Variants in TMEM41B observed in about 807,000 individuals in gnomAD.
TMEM41B encodes the protein protein stasimon.
TMEM41B carries 18 observed loss-of-function variants against 31.9 expected under a neutral mutation model. That is an observed-to-expected ratio of 0.56 (90% CI 0.39 to 0.84). The LOEUF (loss-of-function observed/expected upper bound fraction) is 0.84. Ranked by LOEUF, TMEM41B falls within the 40% of genes least tolerant of loss-of-function variation. The pLI is 0.00. For missense variants in TMEM41B, 322 were observed against 348.0 expected, an observed-to-expected ratio of 0.93 and a Z score of 0.59; for synonymous variants, 144 against 124.3, an observed-to-expected ratio of 1.16 and a Z score of -1.05.
At chr11:9,303,957 C>T (rs1338207315) in intron 1 of TMEM41B, among the ~76,000 whole-genome samples, 3 of 152,156 alleles carry the variant, frequency 2.0e-5, no homozygotes, top group African/African-American at 4.8e-5. Context: ...CGTGAGCCAC[C>T]ACGCCCGGCC....
intron 1 of TMEM41B, among the ~76,000 whole-genome samples, chr11:9,301,834 G>A (rs934961531): frequency 1.3e-5 from 2 of 152,112 alleles, no homozygotes. Context: ...AAAGTGGTAC[G>A]CCGAAGACAT....
intron 3 of TMEM41B, 71 bp from the exon 4 acceptor site, chr11:9,288,606 GA>G (rs144571752): frequency 1.8e-6 from 2 of 1,129,338 alleles, no homozygotes; most frequent in Non-Finnish European, 2.5e-6. Context: ...AACATTTCAG[GA>G]AAAAAGTATA....
In TMEM41B at chr11:9,294,237, G is replaced by A. The variant is rs991248577; in HGVS notation, c.368+1022C>T. ...AAGCCGGGCACAGTGGCTCTCACCTGTAATCCCAGCACTTTGGGAGGCTGA... is the reference window on the plus strand; with the variant it reads ...AAGCCGGGCACAGTGGCTCTCACCTATAATCCCAGCACTTTGGGAGGCTGA... On this transcript the variant is annotated intron_variant, in intron 3 of 6. Transcript: ENST00000528080. Among the ~76,000 whole-genome samples the A allele has an allele frequency of 7.0e-5, 10 of 143,184 alleles. No individual in the cohort carries two copies. In the Admixed American group the frequency reaches 7.1e-4, roughly 10 times the overall value. 93.9% of individuals were successfully genotyped at this position (143,184 alleles called of 152,430 possible). A position where few individuals can be genotyped will look rare whatever the true frequency, so the allele number is the denominator to read the frequency against.
Position 9,283,369 on chromosome 11 carries a change from A to C in TMEM41B, c.*55T>G. 1 of 1,368,934 alleles carries C rather than the reference A, an allele frequency of 7.3e-7. No individual in the cohort carries two copies. Among genetic ancestry groups the C allele is most frequent in the South Asian group, 1.3e-5 (1 of 74,906 alleles). 84.8% of individuals were successfully genotyped at this position (1,368,934 alleles called of 1,614,324 possible). On this transcript the variant is annotated 3_prime_UTR_variant, in exon 7 of 7. Coordinates refer to ENST00000528080, the MANE Select transcript of TMEM41B (RefSeq NM_015012.4). ...GTGATTTTAAAACATAAATGGATGC[A>C]CCTGTTAATCCTGAGATGGTGATGA...
At position 9,288,882 on chromosome 11, in the gene TMEM41B, A is replaced by G. The variant is rs77441159; in HGVS notation, c.369-347T>C. 3.7e-3 allele frequency among the ~76,000 whole-genome samples: 570 copies of G among 152,338 alleles called. 2 individuals are homozygous for G. The highest frequency in any genetic ancestry group is 0.013 in the African/African-American group (543 of 41,582). ...GTTTTCAGGGAAATCATGTACATAC[A>G]ATTATTTCTAATTTAACTATGAAGG... On this transcript the variant is annotated intron_variant, in intron 3 of 6. Transcript: ENST00000528080.
intron 1 of TMEM41B, chr11:9,311,812 G>A (rs540863508): frequency 1.8e-4 from 100 of 543,794 alleles, no homozygotes; most frequent in South Asian, 6.6e-4. Context: ...TAGACTTTCC[G>A]TGTTACCTCT....
At chr11:9,296,104 G>C (rs930251137) in intron 2 of TMEM41B, among the ~76,000 whole-genome samples, 1 of 151,596 alleles carries the variant, frequency 6.6e-6, no homozygotes, top group African/African-American at 2.4e-5. Context: ...TGATCCACCC[G>C]CCTTGGCCTC....
chr11:9,292,361 G>C (rs1191382557), intron 3 of TMEM41B, among the ~76,000 whole-genome samples: 1 of 152,026 alleles, frequency 6.6e-6, no homozygotes, highest in African/African-American at 2.4e-5. Context: ...AAAAATCTTG[G>C]TTCTTGATAA....
intron 1 of TMEM41B, among the ~76,000 whole-genome samples, chr11:9,313,517 T>TA (rs1853613304): frequency 6.6e-6 from 1 of 152,116 alleles, no homozygotes; most frequent in Admixed American, 6.6e-5. Flanking sequence ...GTTTTTTCCT[T>TA]AAAACAATAT....
rs192899301 is a variant in TMEM41B at position 9,285,947 on chromosome 11, T to C, written c.706+508A>G. Among the ~76,000 whole-genome samples the C allele has an allele frequency of 2.9e-3, 438 of 152,254 alleles. 1 individual carries two copies. Among genetic ancestry groups the C allele is most frequent in the Non-Finnish European group, 4.9e-3 (334 of 68,016 alleles). On this transcript the variant is annotated intron_variant, in intron 6 of 6. Transcript: ENST00000528080. ...CTGGCCAACATGGTGAAACCCCATT[T>C]CTACTAATAATACAAAAATTAGCCA...
intron 6 of TMEM41B, among the ~76,000 whole-genome samples, chr11:9,286,240 G>C (rs1317829932): frequency 6.6e-6 from 1 of 152,168 alleles, no homozygotes; most frequent in Non-Finnish European, 1.5e-5. Context: ...ACAGTAGAAA[G>C]TGTTCTTCTT....
At chr11:9,294,436 AG>A (rs1340409112) in intron 3 of TMEM41B, among the ~76,000 whole-genome samples, 2 of 151,566 alleles carry the variant, frequency 1.3e-5, no homozygotes, top group Non-Finnish European at 2.9e-5. Context: ...TGGAGGTTGC[AG>A]TGACCAGAGA....
chr11:9,297,937 T>TGC (rs1289342639), intron 2 of TMEM41B, among the ~76,000 whole-genome samples: 7 of 150,922 alleles, frequency 4.6e-5, no homozygotes, highest in African/African-American at 1.5e-4. Flanking sequence ...TAGTGGTGCA[T>TGC]GCCTGTACTC....
intron 1 of TMEM41B, 141 bp from the exon 2 acceptor site, chr11:9,299,842 G>T (rs531819513): frequency 5.9e-6 from 4 of 673,310 alleles, no homozygotes; most frequent in Non-Finnish European, 1.0e-5. Context: ...GCACTGGGCC[G>T]GGCACAGTGA....
At chr11:9,309,222 G>T (rs868684355) in intron 1 of TMEM41B, among the ~76,000 whole-genome samples, 35 of 150,044 alleles carry the variant, frequency 2.3e-4, no homozygotes, top group African/African-American at 8.3e-4. Context: ...CTCCAGCCTG[G>T]GCAAAAAGAG....
In TMEM41B at chr11:9,312,926, A is replaced by G. The variant is rs1853597145; in HGVS notation, c.121+1395T>C. On this transcript the variant is annotated intron_variant, in intron 1 of 6. Transcript: ENST00000528080. The stretch of plus-strand genomic sequence containing the variant: ...CTCAAAAAAAAAAAAAAAAAAAAGA[A>G]TAATTGTGTTGAATGTTTTGTTGTA... Among the ~76,000 whole-genome samples, 3 of 145,648 alleles carry G rather than the reference A, an allele frequency of 2.1e-5. No homozygotes were observed. In the South Asian group the frequency reaches 7.0e-4, roughly 34 times the overall value.
intron 3 of TMEM41B, among the ~76,000 whole-genome samples, chr11:9,293,513 T>G (rs1487589335): frequency 6.6e-6 from 1 of 152,232 alleles, no homozygotes; most frequent in African/African-American, 2.4e-5. Flanking sequence ...TGCCCTTTGT[T>G]CTTTCACTTA....
intron 1 of TMEM41B, among the ~76,000 whole-genome samples, chr11:9,304,725 C>G (rs1435032925): frequency 6.6e-6 from 1 of 151,916 alleles, no homozygotes; most frequent in Non-Finnish European, 1.5e-5. Flanking sequence ...TGGCGTGATC[C>G]TGGCTCACTA....
Position 9,314,485 on chromosome 11 carries a change from AAAC to A in TMEM41B, c.-47_-45del. ...GGAGCGGTGCGGTGCCGCGCCCCCT[AAAC>A]AACAAAACTCTGTTGCAGGCTCCTT... is the stretch of plus-strand genomic sequence containing the variant. On this transcript the variant is annotated 5_prime_UTR_variant, in exon 1 of 7. Transcript: ENST00000528080. The A allele has an allele frequency of 6.6e-7, 1 of 1,520,746 alleles. No individual in the cohort carries two copies. The highest frequency in any genetic ancestry group is 8.8e-7 in the Non-Finnish European group (1 of 1,129,956). The allele number at this position is 1,520,746 out of a possible 1,614,324, so 94.2% of individuals were successfully genotyped here.
Sources: allele counts gnomAD v4.1 joint callset (sites outside exome capture counted in the v4.1 genomes callset), GRCh38; gene constraint gnomAD v4.1.1; transcripts MANE v1.5; gene names NCBI Gene and HGNC (gene_info 2026-07-23, HGNC 2026-07-21).